The following MMP26 variants were observed in gnomAD, a reference collection of about 807,000 sequenced individuals.
The protein encoded by MMP26 is matrix metalloproteinase-26.
MMP26 carries 33 observed loss-of-function variants against 31.0 expected under a neutral mutation model. That is an observed-to-expected ratio of 1.06 (90% CI 0.81 to 1.42). The LOEUF (loss-of-function observed/expected upper bound fraction) is 1.42. MMP26 is among the 40% of genes most tolerant of loss of function. The pLI, the probability that MMP26 is intolerant of heterozygous loss-of-function variation, is 0.00. For synonymous variants in MMP26, 122 were observed against 114.9 expected (o/e 1.06, Z -0.40); for missense variants, 347 against 316.1 (o/e 1.10, Z -0.74).
At position 4,897,665 on chromosome 11, in the gene MMP26, AT is replaced by A. The variant is rs912558503; in HGVS notation, c.-144-90393del. Among the ~76,000 whole-genome samples, 760 of 147,754 alleles carry A rather than the reference AT, an allele frequency of 5.1e-3. 7 individuals carry two copies. Among genetic ancestry groups the A allele is most frequent in the African/African-American group, 0.016 (630 of 40,372 alleles). ...TGGCTTCTTAGCTATACTTGTTTGT[AT>A]TTTTTTTTTCAAAACAGAGTTGATC... On this transcript the variant is annotated intron_variant, in intron 2 of 7. Transcript: ENST00000380390.
chr11:4,840,304 G>A (rs1285664465), intron 2 of MMP26, among the ~76,000 whole-genome samples: 1 of 152,224 alleles, frequency 6.6e-6, no homozygotes, highest in Non-Finnish European at 1.5e-5. Flanking sequence ...ACTACAGATT[G>A]TGGAGCCCCA....
chr11:4,851,024 G>A (rs1026932194), intron 2 of MMP26, among the ~76,000 whole-genome samples: 3 of 152,166 alleles, frequency 2.0e-5, no homozygotes, highest in African/African-American at 7.2e-5. Flanking sequence ...CATTTCCAGT[G>A]TGATGGAGTG....
intron 2 of MMP26, among the ~76,000 whole-genome samples, chr11:4,810,803 T>C (rs992821433): frequency 1.6e-4 from 25 of 152,238 alleles, no homozygotes. Context: ...GAGCTTCCTC[T>C]GTTTCAGTAC....
chr11:4,720,417 C>A (rs1847994201), intron 1 of MMP26, among the ~76,000 whole-genome samples: 1 of 152,120 alleles, frequency 6.6e-6, no homozygotes, highest in South Asian at 2.1e-4. Flanking sequence ...TATGCTTGGA[C>A]CTTATCCTCA....
At chr11:4,848,121 G>T (rs1420889614) in intron 2 of MMP26, 21 of 1,064,388 alleles carry the variant, frequency 2.0e-5, no homozygotes, top group Non-Finnish European at 2.7e-5. Context: ...GAAGCTACAT[G>T]CACATATATG....
At chr11:4,908,131 C>A (rs760728485) in intron 2 of MMP26, 1 of 1,614,196 alleles carries the variant, frequency 6.2e-7, no homozygotes. Context: ...ATGTGCCCAT[C>A]ATCACCCTGG....
At chr11:4,851,595 T>C in intron 2 of MMP26, among the ~76,000 whole-genome samples, 1 of 152,040 alleles carries the variant, frequency 6.6e-6, no homozygotes, top group East Asian at 1.9e-4. Context: ...ATAATTATAA[T>C]ACTCTATTGT....
chr11:4,869,056 A>T (rs1222113358), intron 2 of MMP26, among the ~76,000 whole-genome samples: 1 of 152,224 alleles, frequency 6.6e-6, no homozygotes, highest in African/African-American at 2.4e-5. Context: ...CACCTTATAC[A>T]AAAATTAATT....
At chr11:4,738,687 G>T (rs1219901554) in intron 1 of MMP26, among the ~76,000 whole-genome samples, 1 of 152,068 alleles carries the variant, frequency 6.6e-6, no homozygotes, top group African/African-American at 2.4e-5. Flanking sequence ...ATAGCCTTTT[G>T]TCCTGGGAAT....
intron 2 of MMP26, chr11:4,924,207 G>A: frequency 3.1e-6 from 5 of 1,614,156 alleles, no homozygotes; most frequent in Middle Eastern, 3.3e-4. Flanking sequence ...AGAATGGTGA[G>A]GTTCCCCAAG....
At chr11:4,922,052 C>T (rs1393913082) in intron 2 of MMP26, among the ~76,000 whole-genome samples, 1 of 152,132 alleles carries the variant, frequency 6.6e-6, no homozygotes, top group African/African-American at 2.4e-5. Context: ...AACACTATGT[C>T]CAGGTGTAAA....
chr11:4,775,324 C>T (rs1848776890), intron 2 of MMP26, among the ~76,000 whole-genome samples: 1 of 152,074 alleles, frequency 6.6e-6, no homozygotes, highest in Non-Finnish European at 1.5e-5. Context: ...TTGTAGTTCT[C>T]CTTGAAGAGG....
chr11:4,898,831 C>CTGTGTGTG (rs1157500335), intron 2 of MMP26, among the ~76,000 whole-genome samples: 41 of 94,252 alleles, frequency 4.4e-4, no homozygotes, highest in Non-Finnish European at 7.1e-4. Context: ...CTCTCTCTCT[C>CTGTGTGTG]TGTGTGTGTG....
chr11:4,767,832 A>G (rs1589894386), intron 2 of MMP26, among the ~76,000 whole-genome samples: 1 of 152,172 alleles, frequency 6.6e-6, no homozygotes, highest in East Asian at 1.9e-4. Context: ...AATAAAATTG[A>G]TGTGACTGCC....
chr11:4,723,726 C>T lies in MMP26; in HGVS notation c.-217+18681C>T. The stretch of plus-strand genomic sequence containing the variant: ...TCTCCTGGCCCAGAGTGTCCAGTTG[C>T]CGCCTAAGGTTGTTGATGTAGCTCT... On this transcript the variant is annotated intron_variant, in intron 1 of 7. Transcript: ENST00000380390. The T allele has an allele frequency of 1.7e-6, 2 of 1,163,438 alleles. 1 individual carries two copies. The highest frequency in any genetic ancestry group is 2.4e-5 in the South Asian group (2 of 82,414). 72.1% of individuals were successfully genotyped at this position (1,163,438 alleles called of 1,614,324 possible).
chr11:4,766,016 C>T (rs533565889), intron 1 of MMP26, among the ~76,000 whole-genome samples: 32 of 152,090 alleles, frequency 2.1e-4, no homozygotes, highest in Non-Finnish European at 4.3e-4. Context: ...TGTTAAAATT[C>T]GTATTCCAAA....
chr11:4,983,485 T>G (rs1186300898), intron 2 of MMP26, among the ~76,000 whole-genome samples: 2 of 152,184 alleles, frequency 1.3e-5, no homozygotes, highest in Non-Finnish European at 2.9e-5. Context: ...CCGTGCAGTC[T>G]GATATCTTCA....
At chr11:4,910,159 G>A (rs530025295) in intron 2 of MMP26, among the ~76,000 whole-genome samples, 1 of 151,950 alleles carries the variant, frequency 6.6e-6, no homozygotes, top group Non-Finnish European at 1.5e-5. Context: ...ATCTGTTTTC[G>A]TGCATTTTCT....
chr11:4,989,732 C>T lies in MMP26; in HGVS notation c.184C>T (p.His62Tyr). Residue 62 changes from histidine to tyrosine, a missense_variant, in exon 4 of 8, where the codon CAT (histidine) becomes TAT (tyrosine). Physicochemically the swap from His to Tyr is moderately conservative, Grantham distance 83. Coordinates refer to ENST00000380390, the MANE Select transcript of MMP26 (RefSeq NM_021801.5). ...ETQTQLLQQF[H>Y]RNGTDLLDMQ... ...ACAAACACAGCTCCTGCAACAATTC[C>T]ATCGGAATGGGACAGACCTACTTGA... The T allele has an allele frequency of 6.2e-7, 1 of 1,614,054 alleles. No homozygotes were observed. The highest frequency in any genetic ancestry group is 1.3e-5 in the African/African-American group (1 of 75,046).
Sources: gnomAD v4.1 joint callset for allele counts (sites outside exome capture counted in the v4.1 genomes callset) on GRCh38, gnomAD v4.1.1 for gene constraint, MANE v1.5 for transcripts, NCBI Gene and HGNC (gene_info 2026-07-23, HGNC 2026-07-21) for gene names.